OXR1: variants seen among roughly 807,000 people sequenced by gnomAD.
OXR1 encodes oxidation resistance 1.
A neutral mutation model predicts 104.6 loss-of-function variants in OXR1; 41 were observed. That is an observed-to-expected ratio of 0.39 (90% CI 0.31 to 0.51). The LOEUF (loss-of-function observed/expected upper bound fraction) is 0.51. Among genes scored for constraint, OXR1 ranks in the 20% least tolerant of loss-of-function variants. The pLI is 0.77. For synonymous variants in OXR1, 348 were observed against 348.4 expected (o/e 1.00, Z 0.01); for missense variants, 955 against 1,031.9 (o/e 0.93, Z 1.02).
At chr8:106,690,577 T>G (rs1324414488) in intron 6 of OXR1, among the ~76,000 whole-genome samples, 2 of 142,846 alleles carry the variant, frequency 1.4e-5, no homozygotes, top group South Asian at 2.2e-4. Flanking sequence ...TAGATGAGAG[T>G]TTTTTTTTTT....
chr8:106,592,694 C>T (rs1819191267), intron 3 of OXR1, among the ~76,000 whole-genome samples: 2 of 152,110 alleles, frequency 1.3e-5, no homozygotes, highest in Admixed American at 1.3e-4. Context: ...AAAACCATCC[C>T]ATATGATTGT....
chr8:106,434,897 A>G (rs1221925151), intron 2 of OXR1, among the ~76,000 whole-genome samples: 1 of 152,124 alleles, frequency 6.6e-6, no homozygotes, highest in Non-Finnish European at 1.5e-5. Context: ...CTGTTAGTGG[A>G]GGATAGAGAT....
chr8:106,651,233 A>C (rs1824544874), intron 3 of OXR1, among the ~76,000 whole-genome samples: 1 of 152,228 alleles, frequency 6.6e-6, no homozygotes, highest in Non-Finnish European at 1.5e-5. Context: ...CCATCCTGAT[A>C]GAAGAAAATG....
At position 106,745,769 on chromosome 8, in the gene OXR1, C is replaced by G. The variant is rs781780997; in HGVS notation, c.2413-20C>G. On this transcript the variant is annotated intron_variant, in intron 15 of 16. Coordinates refer to ENST00000517566, the MANE Select transcript of OXR1 (RefSeq NM_001198533.2). Reference sequence around the variant, plus strand: ...AACCATTTCATCTATATATTTAAAGCTTTTTTTAAATTTATATAGGTCTTT... The same window carrying G: ...AACCATTTCATCTATATATTTAAAGGTTTTTTTAAATTTATATAGGTCTTT... The G allele has an allele frequency of 7.9e-7, 1 of 1,269,266 alleles. No individual in the cohort carries two copies. The highest frequency in any genetic ancestry group is 1.1e-6 in the Non-Finnish European group (1 of 886,884). The allele number at this position is 1,269,266 out of a possible 1,614,324, so 78.6% of individuals were successfully genotyped here.
chr8:106,601,301 T>C (rs1819951953), intron 3 of OXR1, among the ~76,000 whole-genome samples: 2 of 149,942 alleles, frequency 1.3e-5, no homozygotes, highest in South Asian at 4.2e-4. Flanking sequence ...CCTGTCTTTA[T>C]CTGTTCCGGC....
intron 3 of OXR1, among the ~76,000 whole-genome samples, chr8:106,606,080 T>C (rs1820360394): frequency 2.0e-5 from 3 of 152,134 alleles, no homozygotes. Flanking sequence ...AGTCCCAGCA[T>C]TCTGAAGTCC....
intron 15 of OXR1, among the ~76,000 whole-genome samples, chr8:106,742,769 C>T (rs1026575767): frequency 3.3e-5 from 5 of 152,118 alleles, no homozygotes; most frequent in African/African-American, 1.2e-4. Flanking sequence ...AACTGAACCC[C>T]TTCCGTAAAC....
chr8:106,339,213 T>C (rs1815092966), intron 1 of OXR1, among the ~76,000 whole-genome samples: 1 of 151,766 alleles, frequency 6.6e-6, no homozygotes, highest in Non-Finnish European at 1.5e-5. Context: ...ATAACAAAAT[T>C]GGCTGGGCGT....
At chr8:106,274,671 A>G (rs1420765599) in intron 1 of OXR1, among the ~76,000 whole-genome samples, 3 of 139,348 alleles carry the variant, frequency 2.2e-5, no homozygotes, top group Non-Finnish European at 1.5e-5. Context: ...TCTAGGTGGA[A>G]TGGGGATTTG....
At chr8:106,458,600 A>G (rs1172225813) in intron 2 of OXR1, among the ~76,000 whole-genome samples, 1 of 152,120 alleles carries the variant, frequency 6.6e-6, no homozygotes, top group Non-Finnish European at 1.5e-5. Context: ...TCAGAACTGT[A>G]GAGCTACCAG....
intron 2 of OXR1, among the ~76,000 whole-genome samples, chr8:106,460,107 G>A (rs1459531889): frequency 2.6e-5 from 4 of 152,134 alleles, no homozygotes; most frequent in African/African-American, 9.7e-5. Context: ...GGCAGGGATG[G>A]TCCTAGCCTT....
At chr8:106,317,713 A>G (rs1814028862) in intron 1 of OXR1, among the ~76,000 whole-genome samples, 1 of 151,948 alleles carries the variant, frequency 6.6e-6, no homozygotes, top group South Asian at 2.1e-4. Context: ...TCTGACTGAC[A>G]TAGCAGGATG....
chr8:106,451,939 C>G (rs549867256), intron 2 of OXR1, among the ~76,000 whole-genome samples: 2 of 152,236 alleles, frequency 1.3e-5, no homozygotes, highest in East Asian at 3.9e-4. Flanking sequence ...TGCTACTGCT[C>G]AAACAGTAGG....
intron 4 of OXR1, 21 bp downstream of exon 4, chr8:106,679,313 A>G (rs762729721): frequency 9.6e-6 from 13 of 1,358,928 alleles, no homozygotes; most frequent in Admixed American, 3.9e-5. Context: ...TGCTTTCGAA[A>G]AAGCTATTTT....
intron 2 of OXR1, among the ~76,000 whole-genome samples, chr8:106,366,480 G>A (rs1343062359): frequency 1.3e-5 from 2 of 152,152 alleles, no homozygotes; most frequent in Non-Finnish European, 2.9e-5. Flanking sequence ...GCTAAGAGAT[G>A]TTACTTTCAG....
intron 1 of OXR1, among the ~76,000 whole-genome samples, chr8:106,345,670 G>T (rs532747391): frequency 2.0e-5 from 3 of 152,278 alleles, no homozygotes; most frequent in South Asian, 2.1e-4. Flanking sequence ...AAATATTGGT[G>T]CATAAAATAT....
rs1305386979 is a variant in OXR1 at position 106,703,089 on chromosome 8, A to G, written c.859A>G (p.Ile287Val). The change falls in exon 8 of 17, where the codon ATA becomes GTA. Residue 287 changes from isoleucine (I) to valine (V), a missense_variant and splice_region_variant. This residue lies in a region of OXR1 where 849 missense variants were observed against 852.9 expected (regional missense o/e 1.00). Transcript: ENST00000517566. ...TAGCAAAATAAAGGAATCTTTACCC[A>G]TGTAAGAGTGATATTTATATTCCTT... is the stretch of plus-strand genomic sequence containing the variant. The part of the protein sequence containing the change: ...LDSKIKESLP[I>V]DIDQLSGRDF... 5 of 1,599,274 alleles carry G rather than the reference A, an allele frequency of 3.1e-6. No individual in the cohort carries two copies. The Admixed American group carries it at 5.0e-5, about 16-fold the overall frequency.
At chr8:106,499,729 A>G (rs1480254319) in intron 2 of OXR1, among the ~76,000 whole-genome samples, 4 of 152,134 alleles carry the variant, frequency 2.6e-5, no homozygotes, top group African/African-American at 9.7e-5. Context: ...ATGTCACGGG[A>G]GAAAGGAACC....
At chr8:106,291,157 T>TA (rs1812734940) in intron 1 of OXR1, among the ~76,000 whole-genome samples, 2 of 152,148 alleles carry the variant, frequency 1.3e-5, no homozygotes, top group Non-Finnish European at 2.9e-5. Flanking sequence ...TGGATGGAGA[T>TA]GGAGGCCATA....
Sources: gnomAD v4.1 joint callset for allele counts (sites outside exome capture counted in the v4.1 genomes callset) on GRCh38, gnomAD v4.1.1 for gene constraint, gnomAD v4.1.1 regional missense constraint, MANE v1.5 for transcripts, NCBI Gene and HGNC (gene_info 2026-07-23, HGNC 2026-07-21) for gene names.